Variants in SRGN observed in about 807,000 individuals in gnomAD.
SRGN encodes hematopoetic proteoglycan core peptide.
SRGN carries 2 observed loss-of-function variants against 9.5 expected under a neutral mutation model. That is an observed-to-expected ratio of 0.21 (90% confidence interval 0.09 to 0.66). The LOEUF is 0.66. Among genes scored for constraint, SRGN ranks in the 30% least tolerant of loss-of-function variants. The pLI is 0.83. For synonymous variants in SRGN, 59 were observed against 72.3 expected (o/e 0.82, Z 0.93); for missense variants, 170 against 192.4 (o/e 0.88, Z 0.69).
chr10:69,091,458 A>G (rs1364873552), intron 1 of SRGN, among the ~76,000 whole-genome samples: 2 of 152,340 alleles, frequency 1.3e-5, no homozygotes, highest in East Asian at 1.9e-4. Flanking sequence ...GAATTGATAG[A>G]CCAGGAGGAA....
chr10:69,101,317 C>T (rs1033240374), intron 2 of SRGN, among the ~76,000 whole-genome samples: 4 of 152,196 alleles, frequency 2.6e-5, no homozygotes, highest in Non-Finnish European at 5.9e-5. Context: ...CGCTATCCCC[C>T]ATTTAGCTTC....
rs190410851 is a variant in SRGN at position 69,088,304 on chromosome 10, T to C, written c.79+68T>C. On this transcript the variant is annotated intron_variant, in intron 1 of 2. Coordinates refer to ENST00000242465, the MANE Select transcript of SRGN (RefSeq NM_002727.4). The stretch of plus-strand genomic sequence containing the variant: ...GCCCTGTGGTCCATGCAAGTCATTA[T>C]ATTCATTTTAAGGCATAGAATGTAT... 1.5e-5 allele frequency: 20 copies of C among 1,343,282 alleles called. No individual in the cohort carries two copies. The African/African-American group carries it at 2.2e-4, about 15-fold the overall frequency. 83.2% of individuals were successfully genotyped at this position (1,343,282 alleles called of 1,614,324 possible).
chr10:69,091,336 G>A (rs538695882), intron 1 of SRGN, among the ~76,000 whole-genome samples: 23 of 152,216 alleles, frequency 1.5e-4, no homozygotes, highest in African/African-American at 5.5e-4. Flanking sequence ...TTTGACCGTA[G>A]CCCTTGCTAT....
At chr10:69,097,490 A>G (rs1200728752) in intron 2 of SRGN, among the ~76,000 whole-genome samples, 6 of 140,970 alleles carry the variant, frequency 4.3e-5, no homozygotes, top group Non-Finnish European at 6.0e-5. Context: ...GCAGTGGCGC[A>G]ATCTCGGCTC....
intron 2 of SRGN, among the ~76,000 whole-genome samples, chr10:69,099,210 A>C (rs996193051): frequency 2.0e-5 from 3 of 152,164 alleles, no homozygotes; most frequent in African/African-American, 7.2e-5. Context: ...CTCCAGGCTC[A>C]AACCTAGAAA....
intron 1 of SRGN, among the ~76,000 whole-genome samples, chr10:69,088,611 A>C (rs889047770): frequency 3.9e-5 from 6 of 152,148 alleles, no homozygotes; most frequent in Non-Finnish European, 8.8e-5. Context: ...AAGTGTCTAC[A>C]TCAGCCCCAA....
intron 2 of SRGN, among the ~76,000 whole-genome samples, chr10:69,100,236 C>T (rs1165345250): frequency 6.6e-6 from 1 of 151,960 alleles, no homozygotes; most frequent in East Asian, 1.9e-4. Context: ...GGAGAAACCT[C>T]GTCTCTATAG....
rs761340752 is a variant in SRGN at position 69,097,151 on chromosome 10, C to T, written c.147C>T (p.Cys49=). Residue 49 remains cysteine, a synonymous_variant, in exon 2 of 3, where the codon TGC becomes TGT. Transcript: ENST00000242465. ...ATCCAGACAGTAATTCTGCAAACTGCCTTGAAGAAAAAGGACCAATGTTCG... is the reference window on the plus strand; with the variant it reads ...ATCCAGACAGTAATTCTGCAAACTGTCTTGAAGAAAAAGGACCAATGTTCG... The part of the protein sequence containing the change: ...RCNPDSNSAN[C]LEEKGPMFEL... The T allele has an allele frequency of 2.3e-5, 37 of 1,613,856 alleles. No individual in the cohort carries two copies. The Admixed American group carries it at 4.5e-4, about 20-fold the overall frequency.
intron 1 of SRGN, among the ~76,000 whole-genome samples, chr10:69,091,752 C>T (rs1365490667): frequency 2.0e-5 from 3 of 151,338 alleles, no homozygotes; most frequent in African/African-American, 7.3e-5. Context: ...TAGTGGCATG[C>T]ACCTGTAATC....
chr10:69,093,336 G>A (rs563550743), intron 1 of SRGN, among the ~76,000 whole-genome samples: 1 of 152,292 alleles, frequency 6.6e-6, no homozygotes, highest in African/African-American at 2.4e-5. Flanking sequence ...GAATATGTTA[G>A]GTTAAATAAA....
chr10:69,090,088 C>A (rs894082679), intron 1 of SRGN, among the ~76,000 whole-genome samples: 2 of 152,110 alleles, frequency 1.3e-5, no homozygotes, highest in African/African-American at 4.8e-5. Flanking sequence ...CGAAAAAAGG[C>A]TCTCAGTATC....
At chr10:69,092,275 A>C (rs1335917621) in intron 1 of SRGN, among the ~76,000 whole-genome samples, 1 of 152,188 alleles carries the variant, frequency 6.6e-6, no homozygotes, top group African/African-American at 2.4e-5. Context: ...CAGGGGCTGG[A>C]ACTGTAAATT....
intron 1 of SRGN, among the ~76,000 whole-genome samples, chr10:69,091,908 A>G (rs1840067693): frequency 2.5e-5 from 2 of 80,686 alleles, no homozygotes; most frequent in South Asian, 5.0e-4. Flanking sequence ...AAAAAAAAAA[A>G]GAAAAAGAAA....
chr10:69,088,213 T>C lies in SRGN; in HGVS notation c.56T>C (p.Leu19Pro), dbSNP rs1839979179. 1.2e-6 allele frequency: 2 copies of C among 1,614,094 alleles called. No homozygotes were observed. The highest frequency in any genetic ancestry group is 1.7e-5 in the Admixed American group (1 of 59,988). ...SRLVLALALI[L>P]VLESSVQGYP... is the part of the protein sequence containing the mutation. ...CTTGTCCTGGCTCTTGCCCTCATCC[T>C]GGTTCTGGAATCCTCAGTTCAAGGT... is the stretch of plus-strand genomic sequence containing the variant. The change falls in exon 1 of 3, where the codon CTG becomes CCG. Residue 19 changes from leucine to proline, a missense_variant. By Grantham distance (98) the Leu-to-Pro change is moderately conservative (BLOSUM62 -3). Transcript: ENST00000242465.
At chr10:69,096,338 A>T (rs1279545023) in intron 1 of SRGN, among the ~76,000 whole-genome samples, 1 of 152,238 alleles carries the variant, frequency 6.6e-6, no homozygotes, top group East Asian at 1.9e-4. Context: ...ACAACAGTTA[A>T]TATTATCAAG....
chr10:69,099,977 CA>C (rs1840256299), intron 2 of SRGN, among the ~76,000 whole-genome samples: 1 of 152,178 alleles, frequency 6.6e-6, no homozygotes, highest in South Asian at 2.1e-4. Flanking sequence ...GTAATCCCAA[CA>C]CTTTGGGAGG....
chr10:69,090,053 A>T (rs1840018292), intron 1 of SRGN, among the ~76,000 whole-genome samples: 1 of 152,194 alleles, frequency 6.6e-6, no homozygotes, highest in African/African-American at 2.4e-5. Context: ...GAGACAAGGG[A>T]GAAACTGACA....
chr10:69,096,488 C>T (rs537644197), intron 1 of SRGN, among the ~76,000 whole-genome samples: 5 of 152,282 alleles, frequency 3.3e-5, no homozygotes, highest in African/African-American at 1.2e-4. Context: ...AACTAGTCAG[C>T]AGACCTGGGA....
chr10:69,103,310 G>GGAGGCT (rs71035051), intron 2 of SRGN, among the ~76,000 whole-genome samples: 121,434 of 151,148 alleles, frequency 0.8, 49,725 homozygotes, highest in Non-Finnish European at 0.89. Context: ...CAGCACTTTG[G>GGAGGCT]GAGGTGGGTG....
Sources: gnomAD v4.1 joint callset for allele counts (sites outside exome capture counted in the v4.1 genomes callset) on GRCh38, gnomAD v4.1.1 for gene constraint, MANE v1.5 for transcripts, NCBI Gene and HGNC (gene_info 2026-07-23, HGNC 2026-07-21) for gene names.